PTPRD: variants seen among roughly 807,000 people sequenced by gnomAD.
PTPRD encodes receptor-type tyrosine-protein phosphatase delta.
In PTPRD, 34 loss-of-function variants were observed where a neutral mutation model predicts 214.5. The ratio of observed to expected loss-of-function variants is 0.16; its 90% CI spans 0.12 to 0.21. The LOEUF (loss-of-function observed/expected upper bound fraction) is 0.21. PTPRD is among the 10% of genes least tolerant of loss of function. The pLI, the probability that PTPRD is intolerant of heterozygous loss-of-function variation, is 1.00. For synonymous variants in PTPRD, 1,128 were observed against 845.7 expected, an observed-to-expected ratio of 1.33 and a Z score of -5.79; for missense variants, 2,545 against 2,398.7, an observed-to-expected ratio of 1.06 and a Z score of -1.27.
intron 3 of PTPRD, among the ~76,000 whole-genome samples, chr9:10,125,934 A>C (rs1405726261): frequency 6.6e-6 from 1 of 152,178 alleles, no homozygotes; most frequent in Non-Finnish European, 1.5e-5. Context: ...TGTGACCAAG[A>C]AAACTAAAAA....
chr9:9,861,480 T>C (rs911702082), intron 5 of PTPRD, among the ~76,000 whole-genome samples: 11 of 152,058 alleles, frequency 7.2e-5, no homozygotes, highest in Non-Finnish European at 1.5e-4. Flanking sequence ...TTAGTAGAGA[T>C]GGGGTTTCAC....
At chr9:10,538,959 T>A (rs971258301) in intron 2 of PTPRD, among the ~76,000 whole-genome samples, 1 of 152,196 alleles carries the variant, frequency 6.6e-6, no homozygotes, top group Non-Finnish European at 1.5e-5. Context: ...AGTCATTTCC[T>A]GGGTCACCAG....
At chr9:10,489,842 C>A (rs2099155654) in intron 2 of PTPRD, among the ~76,000 whole-genome samples, 1 of 152,118 alleles carries the variant, frequency 6.6e-6, no homozygotes, top group African/African-American at 2.4e-5. Flanking sequence ...CACACAGAAA[C>A]ACTCCATGCA....
intron 9 of PTPRD, among the ~76,000 whole-genome samples, chr9:9,188,044 T>TAA (rs991303339): frequency 6.6e-6 from 1 of 152,040 alleles, no homozygotes; most frequent in Non-Finnish European, 1.5e-5. Context: ...AATACATACT[T>TAA]CATGCTTACT....
intron 8 of PTPRD, among the ~76,000 whole-genome samples, chr9:9,530,613 A>G (rs974824872): frequency 6.6e-6 from 1 of 152,212 alleles, no homozygotes; most frequent in Non-Finnish European, 1.5e-5. Context: ...GCAAAGATAC[A>G]GAATTGACTA....
intron 9 of PTPRD, among the ~76,000 whole-genome samples, chr9:9,337,884 C>T (rs1468724936): frequency 6.6e-6 from 1 of 152,180 alleles, no homozygotes. Flanking sequence ...ACTAAATAAA[C>T]AGAGGTTGTT....
rs548137737 is a variant in PTPRD, at chr9:9,418,660, T to A, written c.-236-21178A>T. On this transcript the variant is annotated intron_variant, in intron 8 of 45. Coordinates refer to ENST00000381196, the MANE Select transcript of PTPRD (RefSeq NM_002839.4). Reference sequence around the variant, plus strand: ...TAGCATACATACTATTGGCTACAAGTGTTCTTAATGTCTACATCATAAGAT... The same window carrying A: ...TAGCATACATACTATTGGCTACAAGAGTTCTTAATGTCTACATCATAAGAT... Among the ~76,000 whole-genome samples the A allele has an allele frequency of 1.0e-3, 156 of 152,126 alleles. 1 individual carries two copies. The highest frequency in any genetic ancestry group is 3.6e-3 in the African/African-American group (149 of 41,564).
intron 3 of PTPRD, among the ~76,000 whole-genome samples, chr9:10,252,387 A>T (rs1022896579): frequency 1.3e-5 from 2 of 152,076 alleles, no homozygotes; most frequent in Non-Finnish European, 2.9e-5. Flanking sequence ...TTATGTGTAC[A>T]CTTTCAAGCC....
chr9:8,854,913 C>T (rs1056586794), intron 11 of PTPRD, among the ~76,000 whole-genome samples: 2 of 152,066 alleles, frequency 1.3e-5, no homozygotes, highest in African/African-American at 2.4e-5. Flanking sequence ...TCTTGTTTAT[C>T]TTTGTCATAC....
At chr9:8,553,280 A>T (rs2082655280) in intron 14 of PTPRD, among the ~76,000 whole-genome samples, 1 of 152,190 alleles carries the variant, frequency 6.6e-6, no homozygotes, top group Non-Finnish European at 1.5e-5. Flanking sequence ...AAAAAAAGGA[A>T]AACACAGAGT....
At chr9:10,514,885 T>C (rs2784600) in intron 2 of PTPRD, among the ~76,000 whole-genome samples, 151,384 of 152,082 alleles carry the variant, frequency 1, 75,344 homozygotes, top group Middle Eastern at 1. Flanking sequence ...TAAAAAGAAA[T>C]TATTTTTTAA....
At chr9:9,541,106 C>T (rs916798256) in intron 8 of PTPRD, among the ~76,000 whole-genome samples, 2 of 151,708 alleles carry the variant, frequency 1.3e-5, no homozygotes, top group Non-Finnish European at 2.9e-5. Flanking sequence ...ACACGGTAGA[C>T]CTCAAGAAAT....
chr9:10,138,268 A>G (rs1420592568), intron 3 of PTPRD, among the ~76,000 whole-genome samples: 1 of 152,076 alleles, frequency 6.6e-6, no homozygotes, highest in Non-Finnish European at 1.5e-5. Flanking sequence ...ACCCCTATCC[A>G]TACAAAGTAG....
At chr9:9,672,517 C>T (rs1490602625) in intron 7 of PTPRD, among the ~76,000 whole-genome samples, 2 of 152,046 alleles carry the variant, frequency 1.3e-5, no homozygotes, top group African/African-American at 4.8e-5. Flanking sequence ...AGTAGCTTGC[C>T]AAATATCACA....
intron 10 of PTPRD, among the ~76,000 whole-genome samples, chr9:9,157,253 T>C (rs1401754030): frequency 1.3e-5 from 2 of 151,914 alleles, no homozygotes; most frequent in Non-Finnish European, 2.9e-5. Flanking sequence ...AAACCAAAGT[T>C]AGCAGAAGAA....
At chr9:9,937,090 G>A (rs1450124367) in intron 5 of PTPRD, among the ~76,000 whole-genome samples, 1 of 152,228 alleles carries the variant, frequency 6.6e-6, no homozygotes, top group African/African-American at 2.4e-5. Context: ...TTGGGGGAAG[G>A]GGGAGGGATA....
At chr9:10,503,213 A>AAAAAAAAAC (rs1555437452) in intron 2 of PTPRD, among the ~76,000 whole-genome samples, 4 of 149,478 alleles carry the variant, frequency 2.7e-5, no homozygotes, top group African/African-American at 9.9e-5. Context: ...AAAAACAAAA[A>AAAAAAAAAC]AAAACACCAT....
At chr9:8,419,765 G>A (rs1011205454) in intron 35 of PTPRD, among the ~76,000 whole-genome samples, 1 of 151,862 alleles carries the variant, frequency 6.6e-6, no homozygotes, top group African/African-American at 2.4e-5. Flanking sequence ...AAGAAGTTCT[G>A]CCAGGGAAGC....
intron 11 of PTPRD, among the ~76,000 whole-genome samples, chr9:8,931,429 T>A (rs939101221): frequency 6.6e-6 from 1 of 152,186 alleles, no homozygotes; most frequent in African/African-American, 2.4e-5. Flanking sequence ...GGCTTAGGAT[T>A]GACTTGGTAA....
Sources: gnomAD v4.1 joint callset for allele counts (sites outside exome capture counted in the v4.1 genomes callset) on GRCh38, gnomAD v4.1.1 for gene constraint, MANE v1.5 for transcripts, NCBI Gene and HGNC (gene_info 2026-07-23, HGNC 2026-07-21) for gene names.